DTNB: variants seen among roughly 807,000 people sequenced by gnomAD.
The protein encoded by DTNB is DTN-B.
A neutral mutation model predicts 90.7 loss-of-function variants in DTNB; 63 were observed. The ratio of observed to expected loss-of-function variants is 0.69; its 90% CI spans 0.57 to 0.86. DTNB has a LOEUF of 0.86. Among genes scored for constraint, DTNB ranks in the 40% least tolerant of loss-of-function variants. The pLI is 0.00. For synonymous variants in DTNB, 277 were observed against 286.7 expected (o/e 0.97, Z 0.34); for missense variants, 744 against 807.1 (o/e 0.92, Z 0.95).
At chr2:25,455,577 C>A in intron 10 of DTNB, 83 bp from the exon 11 acceptor site, 1 of 1,194,936 alleles carries the variant, frequency 8.4e-7, no homozygotes, top group South Asian at 1.5e-5. Flanking sequence ...AATGAGCAAA[C>A]TTCAAAGAAA....
At chr2:25,633,327 CTGGTTTTCGTATTTTTT>C (rs1337887807) in intron 3 of DTNB, among the ~76,000 whole-genome samples, 1 of 152,214 alleles carries the variant, frequency 6.6e-6, no homozygotes, top group African/African-American at 2.4e-5. Flanking sequence ...CCACGCCTGA[CTGGTTTTCGTATTTTTT>C]TGGTGGAGAC....
At chr2:25,426,018 T>C (rs2051462583) in intron 15 of DTNB, among the ~76,000 whole-genome samples, 1 of 152,214 alleles carries the variant, frequency 6.6e-6, no homozygotes, top group Admixed American at 6.5e-5. Context: ...CAGTGAGCTA[T>C]GATCACGCCA....
intron 1 of DTNB, among the ~76,000 whole-genome samples, chr2:25,663,036 A>G (rs1384231553): frequency 6.6e-6 from 1 of 151,992 alleles, no homozygotes; most frequent in African/African-American, 2.4e-5. Flanking sequence ...TGCATTAGGT[A>G]TTTGTCCTAA....
At chr2:25,588,540 T>C (rs2062896953) in intron 6 of DTNB, among the ~76,000 whole-genome samples, 1 of 152,174 alleles carries the variant, frequency 6.6e-6, no homozygotes, top group Admixed American at 6.5e-5. Flanking sequence ...AATTTTTGTA[T>C]TTTTAGTAGT....
chr2:25,483,010 G>C (rs981300659), intron 9 of DTNB, 137 bp from the exon 10 acceptor site: 4 of 825,386 alleles, frequency 4.8e-6, no homozygotes, highest in South Asian at 2.5e-5. Context: ...GGAGGGGGGG[G>C]ACCCATGGGG....
intron 12 of DTNB, among the ~76,000 whole-genome samples, chr2:25,442,303 T>C (rs960509415): frequency 2.6e-5 from 4 of 152,214 alleles, no homozygotes; most frequent in African/African-American, 9.6e-5. Context: ...ACATCTAACA[T>C]GGCAGGTGAC....
At chr2:25,404,573 G>C (rs1268018921) in intron 16 of DTNB, among the ~76,000 whole-genome samples, 4 of 152,054 alleles carry the variant, frequency 2.6e-5, no homozygotes, top group African/African-American at 9.7e-5. Flanking sequence ...CACAGATAAG[G>C]GCTGGGCACG....
chr2:25,526,386 TATATATA>T (rs1335829234), intron 9 of DTNB, among the ~76,000 whole-genome samples: 16 of 56,056 alleles, frequency 2.9e-4, no homozygotes, highest in African/African-American at 9.7e-4. Flanking sequence ...TATATATATA[TATATATA>T]TATTTTTTTT....
At chr2:25,539,975 C>T (rs1344783196) in intron 8 of DTNB, among the ~76,000 whole-genome samples, 1 of 152,224 alleles carries the variant, frequency 6.6e-6, no homozygotes, top group East Asian at 1.9e-4. Flanking sequence ...AATAAATGGA[C>T]TATTATTACA....
At position 25,666,840 on chromosome 2, in the gene DTNB, C is replaced by T. The variant is rs570959378; in HGVS notation, c.-2+6546G>A. On this transcript the variant is annotated intron_variant, in intron 1 of 20. Coordinates refer to ENST00000406818, the MANE Select transcript of DTNB (RefSeq NM_021907.5). ...GGATGAAGAAACGGAGATATCTGGG[C>T]CAGACCCACTGCTCAAGGCCAGCAA... is the stretch of plus-strand genomic sequence containing the variant. Among the ~76,000 whole-genome samples, 18 of 152,144 alleles carry T rather than the reference C, an allele frequency of 1.2e-4. No individual in the cohort carries two copies. In the South Asian group the frequency reaches 3.5e-3, roughly 30 times the overall value.
chr2:25,377,551 T>C lies in DTNB; in HGVS notation c.*32A>G, dbSNP rs2036139609. Reference sequence around the variant, plus strand: ...GCGCCAGCTTGCTCCTCGTCCTCTGTGCCTGCGCAAGACACACTCACCGTT... The same window carrying C: ...GCGCCAGCTTGCTCCTCGTCCTCTGCGCCTGCGCAAGACACACTCACCGTT... On this transcript the variant is annotated splice_region_variant and 3_prime_UTR_variant, in exon 21 of 21. Transcript: ENST00000406818. The C allele has an allele frequency of 1.3e-5, 2 of 152,626 alleles. No individual in the cohort carries two copies. The highest frequency in any genetic ancestry group is 6.5e-5 in the Admixed American group (1 of 15,292). The allele number at this position is 152,626 out of a possible 1,614,324, so 9.5% of individuals were successfully genotyped here. A position where few individuals can be genotyped will look rare whatever the true frequency, so the allele number is the denominator to read the frequency against.
At chr2:25,410,804 T>C (rs2149720416) in intron 16 of DTNB, among the ~76,000 whole-genome samples, 1 of 152,306 alleles carries the variant, frequency 6.6e-6, no homozygotes, top group African/African-American at 2.4e-5. Context: ...AGATAATCAA[T>C]AGCTTATGTT....
intron 8 of DTNB, among the ~76,000 whole-genome samples, chr2:25,567,024 C>A (rs1173797918): frequency 1.3e-5 from 2 of 152,120 alleles, no homozygotes; most frequent in African/African-American, 4.8e-5. Flanking sequence ...CATGGCAGAC[C>A]CAGCCTCAGC....
chr2:25,377,924 C>T (rs567483425), intron 20 of DTNB, among the ~76,000 whole-genome samples: 119 of 152,334 alleles, frequency 7.8e-4, no homozygotes, highest in Middle Eastern at 3.4e-3. Context: ...GAATCCGCGG[C>T]ACCCAAGTTT....
chr2:25,568,098 C>T (rs936439592), intron 8 of DTNB, among the ~76,000 whole-genome samples: 1 of 150,522 alleles, frequency 6.6e-6, no homozygotes, highest in Non-Finnish European at 1.5e-5. Context: ...GTAGAGGTTG[C>T]AGTGAGCCAA....
chr2:25,619,282 C>T (rs930300166), intron 4 of DTNB, among the ~76,000 whole-genome samples: 12 of 152,134 alleles, frequency 7.9e-5, no homozygotes, highest in Non-Finnish European at 4.4e-5. Flanking sequence ...ACACTATTAC[C>T]AGTCCGATTA....
intron 9 of DTNB, among the ~76,000 whole-genome samples, chr2:25,510,190 C>A (rs1387365998): frequency 6.6e-6 from 1 of 151,870 alleles, no homozygotes; most frequent in Non-Finnish European, 1.5e-5. Context: ...ATCTCTAAAT[C>A]TAATCTGATA....
chr2:25,517,442 C>CA (rs913580803), intron 9 of DTNB, among the ~76,000 whole-genome samples: 9 of 149,212 alleles, frequency 6.0e-5, no homozygotes, highest in Admixed American at 1.3e-4. Context: ...AATTACACCT[C>CA]AAAAAAAAAG....
chr2:25,480,179 G>A lies in DTNB; in HGVS notation c.1079+2617C>T, dbSNP rs533743595. ...AAATGGAATCCCCTAAAATCCTGGG[G>A]GCTGTAATGGTAGGGTAGGAGCATT... On this transcript the variant is annotated intron_variant, in intron 10 of 20. Coordinates refer to ENST00000406818, the MANE Select transcript of DTNB (RefSeq NM_021907.5). 7.2e-5 allele frequency among the ~76,000 whole-genome samples: 11 copies of A among 152,248 alleles called. No individual in the cohort carries two copies. In the South Asian group the frequency reaches 2.1e-3, roughly 29 times the overall value.
Sources: gnomAD v4.1 joint callset for allele counts (sites outside exome capture counted in the v4.1 genomes callset) on GRCh38, gnomAD v4.1.1 for gene constraint, MANE v1.5 for transcripts, NCBI Gene and HGNC (gene_info 2026-07-23, HGNC 2026-07-21) for gene names.